The following DEPDC5 variants were observed in gnomAD, a reference collection of about 807,000 sequenced individuals.
DEPDC5 encodes the protein DEP domain containing 5, GATOR1 subcomplex subunit.
DEPDC5 carries 73 observed loss-of-function variants against 217.3 expected under a neutral mutation model. That is an observed-to-expected ratio of 0.34 (90% CI 0.28 to 0.41). DEPDC5 has a LOEUF of 0.41. DEPDC5 is among the 10% of genes least tolerant of loss of function. DEPDC5 has a pLI of 1.00. For missense variants in DEPDC5, 1,675 were observed against 2,070.1 expected, an observed-to-expected ratio of 0.81 and a Z score of 3.70; for synonymous variants, 733 against 756.7, an observed-to-expected ratio of 0.97 and a Z score of 0.51.
intron 7 of DEPDC5, among the ~76,000 whole-genome samples, chr22:31,770,519 TAC>T: frequency 1.3e-5 from 2 of 151,618 alleles, no homozygotes; most frequent in East Asian, 3.9e-4. Context: ...TTGCTGGAAT[TAC>T]AGTTACCCAC....
chr22:31,811,448 T>G (rs2088320274), intron 20 of DEPDC5, among the ~76,000 whole-genome samples: 1 of 152,226 alleles, frequency 6.6e-6, no homozygotes, highest in Admixed American at 6.5e-5. Flanking sequence ...GCTCTATCCT[T>G]GGACACAGCG....
chr22:31,862,190 C>T (rs2092539889), intron 33 of DEPDC5, among the ~76,000 whole-genome samples: 1 of 151,624 alleles, frequency 6.6e-6, no homozygotes, highest in Non-Finnish European at 1.5e-5. Context: ...TGCAGTGAGC[C>T]GAGATCGTGC....
chr22:31,907,987 A>G lies in DEPDC5; in HGVS notation c.*1490A>G, dbSNP rs2093776353. ...TCTAATTTGTCTCTGCTTTCACTCC[A>G]CTTGTCAGTCAGTCTTTTTATAAAA... On this transcript the variant is annotated 3_prime_UTR_variant, in exon 43 of 43. Coordinates refer to ENST00000651528, the MANE Select transcript of DEPDC5 (RefSeq NM_001242896.3). 1 of 151,914 alleles carries G rather than the reference A, an allele frequency of 6.6e-6. No homozygotes were observed. The highest frequency in any genetic ancestry group is 2.4e-5 in the African/African-American group (1 of 41,370). 9.4% of individuals were successfully genotyped at this position (151,914 alleles called of 1,614,324 possible).
intron 11 of DEPDC5, 45 bp downstream of exon 11, chr22:31,792,147 CCCCCAACCCCA>C (rs768502423): frequency 7.3e-7 from 1 of 1,378,844 alleles, no homozygotes; most frequent in Non-Finnish European, 1.0e-6. Flanking sequence ...TGTTAAGCTT[CCCCCAACCCCA>C]CCCCAGCCAT....
intron 34 of DEPDC5, among the ~76,000 whole-genome samples, chr22:31,871,176 G>A (rs1004426270): frequency 6.6e-6 from 1 of 152,236 alleles, no homozygotes; most frequent in Non-Finnish European, 1.5e-5. Context: ...GGAAAAGGAA[G>A]CTGTGTGTAC....
At chr22:31,864,501 A>ATATATATATATATAT (rs2092618825) in intron 33 of DEPDC5, among the ~76,000 whole-genome samples, 1 of 123,160 alleles carries the variant, frequency 8.1e-6, no homozygotes, top group Admixed American at 8.6e-5. Context: ...TCTTCATTAA[A>ATATATATATATATAT]ATATATATAT....
chr22:31,823,605 A>G (rs12484821), intron 24 of DEPDC5, among the ~76,000 whole-genome samples: 2,016 of 151,722 alleles, frequency 0.013, 98 homozygotes, highest in Admixed American at 0.077. Flanking sequence ...GGTTAGGTAG[A>G]CAGTTAGAAG....
At chr22:31,905,547 G>A (rs1176166223) in intron 41 of DEPDC5, among the ~76,000 whole-genome samples, 1 of 151,978 alleles carries the variant, frequency 6.6e-6, no homozygotes, top group Non-Finnish European at 1.5e-5. Context: ...GGTATGTGTG[G>A]CCTGTCAAGA....
Position 31,813,360 on chromosome 22 carries a change from T to A in DEPDC5, c.1446-1632T>A, listed in dbSNP as rs147375454. On this transcript the variant is annotated intron_variant, in intron 20 of 42. Coordinates refer to ENST00000651528, the MANE Select transcript of DEPDC5 (RefSeq NM_001242896.3). ...CTGGTGGTACCCAGGTTGTGTGGTC[T>A]CTGAAGGCACAAATTGTGTCTTAAT... Among the ~76,000 whole-genome samples, 65 of 152,350 alleles carry A rather than the reference T, an allele frequency of 4.3e-4. 1 individual carries two copies. In the East Asian group the frequency reaches 0.012, roughly 29 times the overall value.
chr22:31,899,938 C>A (rs1035063783), intron 40 of DEPDC5, among the ~76,000 whole-genome samples: 1 of 152,232 alleles, frequency 6.6e-6, no homozygotes, highest in East Asian at 1.9e-4. Flanking sequence ...CAGCAACAGC[C>A]TTGCAGAAGG....
intron 7 of DEPDC5, chr22:31,769,651 C>T (rs545835331): frequency 2.0e-5 from 3 of 152,244 alleles, no homozygotes; most frequent in Admixed American, 2.0e-4. Context: ...GGTGTGGTGG[C>T]TCACACTTGT....
Position 31,879,647 on chromosome 22 carries a change from G to C in DEPDC5, c.3928G>C (p.Ala1310Pro). 1 of 1,614,098 alleles carries C rather than the reference G, an allele frequency of 6.2e-7. No individual in the cohort carries two copies. The highest frequency in any genetic ancestry group is 8.5e-7 in the Non-Finnish European group (1 of 1,180,030). ...AGAGCTCGTGCACTCTGAGATTCCT[G>C]CCTTTCTCCTGCCCTGGCTGCCTAG... ...AEELVHSEIPAFLLPWLPSRP... is the reference protein window; with the variant it reads ...AEELVHSEIPPFLLPWLPSRP... The change falls in exon 38 of 43, where the codon GCC becomes CCC. Residue 1310 changes from alanine (A) to proline (P), a missense_variant. Around this residue, in one of 11 missense-constraint regions of DEPDC5, gnomAD observed 182 missense variants for 290.1 expected, o/e 0.63. Transcript: ENST00000651528.
chr22:31,878,093 A>G (rs2093055679), intron 37 of DEPDC5, among the ~76,000 whole-genome samples: 1 of 151,880 alleles, frequency 6.6e-6, no homozygotes, highest in South Asian at 2.1e-4. Flanking sequence ...AGGCTGAGGC[A>G]GGAGAATCAC....
rs550041204 is a variant in DEPDC5, at chr22:31,775,633, A to G, written c.414-2466A>G. Among the ~76,000 whole-genome samples the G allele has an allele frequency of 9.8e-5, 15 of 152,296 alleles. No individual in the cohort carries two copies. In the South Asian group the frequency reaches 3.1e-3, roughly 32 times the overall value. ...GCTACCACTTTCTCTCCAGGATAGC[A>G]TTTTGTGTTAATACCTGCTGTAGTT... On this transcript the variant is annotated intron_variant, in intron 7 of 42. Transcript: ENST00000651528.
intron 24 of DEPDC5, among the ~76,000 whole-genome samples, chr22:31,825,195 C>T (rs1373781364): frequency 6.6e-6 from 1 of 152,136 alleles, no homozygotes; most frequent in Admixed American, 6.5e-5. Flanking sequence ...ATGGTAGCAG[C>T]ACCAGAATGT....
intron 24 of DEPDC5, among the ~76,000 whole-genome samples, chr22:31,827,538 C>T (rs1364026439): frequency 6.6e-6 from 1 of 152,156 alleles, no homozygotes; most frequent in Non-Finnish European, 1.5e-5. Flanking sequence ...TTCAACACAA[C>T]AAATCAGAGT....
intron 7 of DEPDC5, among the ~76,000 whole-genome samples, chr22:31,775,543 G>C (rs902575276): frequency 6.6e-6 from 1 of 152,084 alleles, no homozygotes; most frequent in African/African-American, 2.4e-5. Context: ...GAGTGAAATT[G>C]GTAGAAGATA....
intron 24 of DEPDC5, 40 bp downstream of exon 24, chr22:31,822,830 T>C (rs1380681535): frequency 5.7e-6 from 9 of 1,592,554 alleles, no homozygotes; most frequent in Non-Finnish European, 7.7e-6. Context: ...GATGTTTAGA[T>C]CAGGCTCACA....
At chr22:31,768,764 C>T in intron 6 of DEPDC5, 50 bp from the exon 7 acceptor site, 1 of 1,460,404 alleles carries the variant, frequency 6.8e-7, no homozygotes, top group Non-Finnish European at 9.5e-7. Flanking sequence ...CTCTTTCTCA[C>T]CCTCTCTCCC....
Sources: gnomAD v4.1 joint callset for allele counts (sites outside exome capture counted in the v4.1 genomes callset) on GRCh38, gnomAD v4.1.1 for gene constraint, gnomAD v4.1.1 regional missense constraint, MANE v1.5 for transcripts, NCBI Gene and HGNC (gene_info 2026-07-23, HGNC 2026-07-21) for gene names.